AGBL4: variants seen among roughly 807,000 people sequenced by gnomAD.
AGBL4 encodes the protein cytosolic carboxypeptidase 6.
In AGBL4, 58 loss-of-function variants were observed where a neutral mutation model predicts 66.4. The ratio of observed to expected loss-of-function variants is 0.87; its 90% CI spans 0.71 to 1.09. The LOEUF is 1.09. Ranked by LOEUF, AGBL4 falls within the 50% of genes least tolerant of loss-of-function variation. AGBL4 has a pLI of 0.00. For synonymous variants in AGBL4, 234 were observed against 222.9 expected (o/e 1.05, Z -0.44); for missense variants, 579 against 631.0 (o/e 0.92, Z 0.88).
chr1:49,647,576 T>C (rs1279091869), intron 3 of AGBL4, among the ~76,000 whole-genome samples: 2 of 152,156 alleles, frequency 1.3e-5, no homozygotes, highest in African/African-American at 2.4e-5. Flanking sequence ...CCAGGTCTTC[T>C]TGGTGAATAC....
At chr1:49,032,099 C>A (rs1490707312) in intron 5 of AGBL4, among the ~76,000 whole-genome samples, 1 of 152,110 alleles carries the variant, frequency 6.6e-6, no homozygotes, top group African/African-American at 2.4e-5. Flanking sequence ...GGGAGAAAAT[C>A]CATGGTCACA....
chr1:48,717,217 G>A (rs556823003), intron 6 of AGBL4, among the ~76,000 whole-genome samples: 141 of 152,060 alleles, frequency 9.3e-4, no homozygotes, highest in Non-Finnish European at 1.6e-3. Flanking sequence ...AAACATTACT[G>A]AAGCCTCTTT....
At chr1:48,649,023 A>C (rs1343582749) in intron 8 of AGBL4, among the ~76,000 whole-genome samples, 1 of 152,220 alleles carries the variant, frequency 6.6e-6, no homozygotes, top group Non-Finnish European at 1.5e-5. Context: ...CATTCTGGAA[A>C]CATGTATGTG....
chr1:49,548,677 C>CTAGT (rs1389506282), intron 3 of AGBL4, among the ~76,000 whole-genome samples: 2 of 152,074 alleles, frequency 1.3e-5, no homozygotes, highest in Admixed American at 1.3e-4. Context: ...ATTTGATTAG[C>CTAGT]TAGTATTTTG....
chr1:48,752,888 T>C (rs140381842), intron 6 of AGBL4, among the ~76,000 whole-genome samples: 3,386 of 152,234 alleles, frequency 0.022, 101 homozygotes, highest in African/African-American at 0.078. Flanking sequence ...TAGCTGGGAC[T>C]ACAGGCACGC....
At chr1:48,888,467 T>C (rs752085251) in intron 5 of AGBL4, among the ~76,000 whole-genome samples, 4 of 152,130 alleles carry the variant, frequency 2.6e-5, no homozygotes, top group Non-Finnish European at 5.9e-5. Context: ...GCTCAAACTA[T>C]GTTCAGTTAG....
At chr1:48,569,454 T>C (rs1248131490) in intron 11 of AGBL4, among the ~76,000 whole-genome samples, 6 of 152,216 alleles carry the variant, frequency 3.9e-5, no homozygotes, top group African/African-American at 1.4e-4. Context: ...AGGCTGTTTC[T>C]GGTAGTCTGG....
chr1:48,536,077 G>T (rs993149890), intron 12 of AGBL4, among the ~76,000 whole-genome samples: 1 of 152,090 alleles, frequency 6.6e-6, no homozygotes, highest in Non-Finnish European at 1.5e-5. Flanking sequence ...AACACAGTTA[G>T]GAGCTCAGCA....
At chr1:49,375,516 G>C (rs1390061834) in intron 3 of AGBL4, among the ~76,000 whole-genome samples, 1 of 151,960 alleles carries the variant, frequency 6.6e-6, no homozygotes, top group Non-Finnish European at 1.5e-5. Flanking sequence ...TCTGCATGTA[G>C]ACATTCTATT....
At chr1:48,677,532 C>T (rs1011456177) in intron 6 of AGBL4, among the ~76,000 whole-genome samples, 1 of 152,130 alleles carries the variant, frequency 6.6e-6, no homozygotes, top group East Asian at 1.9e-4. Flanking sequence ...CTTATATAAG[C>T]TCATTGGATC....
intron 1 of AGBL4, among the ~76,000 whole-genome samples, chr1:49,877,405 T>G (rs1647049621): frequency 6.6e-6 from 1 of 152,094 alleles, no homozygotes; most frequent in Non-Finnish European, 1.5e-5. Flanking sequence ...TTTCTGCATC[T>G]ATTGAGATAA....
At chr1:49,922,914 A>G (rs1652400960) in intron 1 of AGBL4, among the ~76,000 whole-genome samples, 1 of 152,220 alleles carries the variant, frequency 6.6e-6, no homozygotes. Flanking sequence ...ATTTGATGCT[A>G]TTCCTATTAA....
intron 3 of AGBL4, among the ~76,000 whole-genome samples, chr1:49,673,225 A>G (rs1367280141): frequency 6.6e-6 from 1 of 152,110 alleles, no homozygotes; most frequent in Non-Finnish European, 1.5e-5. Flanking sequence ...GACTTTTTTC[A>G]AAAATCAATA....
At chr1:48,957,766 ATT>A (rs1657606042) in intron 5 of AGBL4, among the ~76,000 whole-genome samples, 2 of 152,186 alleles carry the variant, frequency 1.3e-5, no homozygotes, top group Admixed American at 1.3e-4. Context: ...GACTTCAGTG[ATT>A]TCCTAACTGA....
chr1:48,778,135 ACATCCATC>A (rs34372698), intron 6 of AGBL4, among the ~76,000 whole-genome samples: 2,758 of 148,700 alleles, frequency 0.019, 52 homozygotes, highest in African/African-American at 0.05. Context: ...ATAAAAACCC[ACATCCATC>A]CATCCATCCA....
Position 48,728,115 on chromosome 1 carries a change from A to G in AGBL4, c.635-64874T>C, listed in dbSNP as rs898120717. 15 of 1,399,212 alleles carry G rather than the reference A, an allele frequency of 1.1e-5. No individual in the cohort carries two copies. The Admixed American group carries it at 2.6e-4, about 24-fold the overall frequency. The allele number at this position is 1,399,212 out of a possible 1,614,324, so 86.7% of individuals were successfully genotyped here. On this transcript the variant is annotated intron_variant, in intron 6 of 13. Transcript: ENST00000371839. ...GTAAAAATCTTTTAAGGAGGGTAAAAGAAAATGTACCTCCCAACATACTTC... is the reference window on the plus strand; with the variant it reads ...GTAAAAATCTTTTAAGGAGGGTAAAGGAAAATGTACCTCCCAACATACTTC...
At position 49,188,221 on chromosome 1, in the gene AGBL4, T is replaced by A. The variant is rs116996032; in HGVS notation, c.377+57549A>T. 5.4e-3 allele frequency among the ~76,000 whole-genome samples: 822 copies of A among 152,238 alleles called. 16 individuals carry two copies. The highest frequency in any genetic ancestry group is 0.048 in the East Asian group (246 of 5,174). ...CATTTTATCAATTCATTTCTGCAGATGCTGCTCAGTATCATCTCCTCCTTC... is the reference window on the plus strand; with the variant it reads ...CATTTTATCAATTCATTTCTGCAGAAGCTGCTCAGTATCATCTCCTCCTTC... On this transcript the variant is annotated intron_variant, in intron 4 of 13. Coordinates refer to ENST00000371839, the MANE Select transcript of AGBL4 (RefSeq NM_032785.4).
At chr1:49,475,715 T>C (rs1346418476) in intron 3 of AGBL4, among the ~76,000 whole-genome samples, 1 of 152,134 alleles carries the variant, frequency 6.6e-6, no homozygotes, top group South Asian at 2.1e-4. Context: ...TTTTTGTGCA[T>C]AGAAATGTTC....
chr1:49,720,967 G>A (rs547579685), intron 2 of AGBL4, among the ~76,000 whole-genome samples: 1 of 152,082 alleles, frequency 6.6e-6, no homozygotes, highest in Non-Finnish European at 1.5e-5. Flanking sequence ...AATGAGAGGC[G>A]AAGCCAGCTG....
Sources: gnomAD v4.1 joint callset for allele counts (sites outside exome capture counted in the v4.1 genomes callset) on GRCh38, gnomAD v4.1.1 for gene constraint, MANE v1.5 for transcripts, NCBI Gene and HGNC (gene_info 2026-07-23, HGNC 2026-07-21) for gene names.